Variants in GRID1 observed in about 807,000 individuals in gnomAD.
GRID1 encodes glutamate receptor ionotropic, delta-1.
A neutral mutation model predicts 98.0 loss-of-function variants in GRID1; 28 were observed. The ratio of observed to expected loss-of-function variants is 0.29; its 90% CI spans 0.21 to 0.39. The LOEUF is 0.39. GRID1 is among the 10% of genes least tolerant of loss of function. The pLI is 1.00. For missense variants in GRID1, 1,111 were observed against 1,340.5 expected (o/e 0.83, Z 2.67); for synonymous variants, 553 against 538.5 (o/e 1.03, Z -0.37).
chr10:86,356,868 C>T (rs114723533), intron 2 of GRID1, among the ~76,000 whole-genome samples: 2,090 of 152,214 alleles, frequency 0.014, 43 homozygotes, highest in African/African-American at 0.048. Context: ...AGTTGTTAGG[C>T]GACAGCATTT....
intron 4 of GRID1, among the ~76,000 whole-genome samples, chr10:86,116,049 G>A (rs1844572941): frequency 6.6e-6 from 1 of 152,162 alleles, no homozygotes; most frequent in Non-Finnish European, 1.5e-5. Context: ...TAGGTGTGTT[G>A]TAGGCTGTAC....
At chr10:85,721,708 T>G (rs1841704670) in intron 12 of GRID1, among the ~76,000 whole-genome samples, 1 of 152,194 alleles carries the variant, frequency 6.6e-6, no homozygotes, top group Non-Finnish European at 1.5e-5. Context: ...GGAAGAAATG[T>G]GAAAAATATT....
At chr10:86,175,234 T>C (rs1845557511) in intron 3 of GRID1, among the ~76,000 whole-genome samples, 1 of 152,056 alleles carries the variant, frequency 6.6e-6, no homozygotes, top group Non-Finnish European at 1.5e-5. Context: ...GCAGATAGAC[T>C]GTCTCAACTT....
chr10:86,088,709 A>G (rs892409212), intron 4 of GRID1, among the ~76,000 whole-genome samples: 4 of 152,182 alleles, frequency 2.6e-5, no homozygotes, highest in Admixed American at 6.5e-5. Context: ...AAAAGCCCAA[A>G]CATTGTACAG....
chr10:85,612,539 A>G (rs1842745752), intron 15 of GRID1, among the ~76,000 whole-genome samples: 1 of 152,090 alleles, frequency 6.6e-6, no homozygotes, highest in Non-Finnish European at 1.5e-5. Flanking sequence ...ATCCATCTGC[A>G]CCCACAGAGT....
chr10:86,181,854 C>A (rs1845659594), intron 3 of GRID1, among the ~76,000 whole-genome samples: 1 of 152,088 alleles, frequency 6.6e-6, no homozygotes, highest in South Asian at 2.1e-4. Context: ...GTCTCCTATG[C>A]CAGGCTATAG....
At chr10:86,018,434 C>T (rs906982146) in intron 4 of GRID1, among the ~76,000 whole-genome samples, 5 of 152,210 alleles carry the variant, frequency 3.3e-5, no homozygotes, top group South Asian at 2.1e-4. Context: ...ACAAGACAGA[C>T]GGCAGCCCAT....
chr10:86,319,013 G>A (rs576904988), intron 2 of GRID1, among the ~76,000 whole-genome samples: 9 of 152,302 alleles, frequency 5.9e-5, no homozygotes, highest in South Asian at 2.1e-4. Context: ...GACAGTGAAG[G>A]TAGAAGGGAA....
chr10:85,876,529 A>C (rs1398269918), intron 5 of GRID1, among the ~76,000 whole-genome samples: 1 of 152,222 alleles, frequency 6.6e-6, no homozygotes, highest in East Asian at 1.9e-4. Flanking sequence ...TTGCCATATA[A>C]GGTAATACTA....
chr10:86,240,255 G>A (rs1846606884), intron 2 of GRID1, among the ~76,000 whole-genome samples: 6 of 152,340 alleles, frequency 3.9e-5, no homozygotes, highest in African/African-American at 1.2e-4. Context: ...TGGCTGGGGA[G>A]AGGCAAGCCT....
intron 4 of GRID1, among the ~76,000 whole-genome samples, chr10:86,108,402 G>T (rs960790712): frequency 6.6e-6 from 1 of 152,208 alleles, no homozygotes; most frequent in African/African-American, 2.4e-5. Flanking sequence ...AGCCTCAAAA[G>T]GTTATTAGCT....
rs553259429 is a variant in GRID1 at position 85,869,742 on chromosome 10, A to G, written c.781-562T>C. ...TGTACTAAGCACTGTGGATACAGCC[A>G]GAAAAAAATCAGGCCCTATCCTGTC... On this transcript the variant is annotated intron_variant, in intron 5 of 15. Transcript: ENST00000327946. Among the ~76,000 whole-genome samples the G allele has an allele frequency of 1.7e-4, 26 of 152,352 alleles. 2 individuals are homozygous for G. The highest frequency in any genetic ancestry group is 5.8e-4 in the African/African-American group (24 of 41,576).
chr10:85,853,640 C>T (rs1843080977), intron 8 of GRID1, among the ~76,000 whole-genome samples: 1 of 152,190 alleles, frequency 6.6e-6, no homozygotes, highest in Admixed American at 6.5e-5. Context: ...GTTGGGCTGG[C>T]CCAGGACAGC....
At chr10:86,226,162 G>C (rs1014113908) in intron 2 of GRID1, among the ~76,000 whole-genome samples, 1 of 151,958 alleles carries the variant, frequency 6.6e-6, no homozygotes, top group African/African-American at 2.4e-5. Context: ...TCTCTGGACA[G>C]GGGACCTGCC....
At chr10:86,159,936 C>T (rs1431957891) in intron 3 of GRID1, among the ~76,000 whole-genome samples, 1 of 152,126 alleles carries the variant, frequency 6.6e-6, no homozygotes, top group African/African-American at 2.4e-5. Flanking sequence ...ATCACCACGA[C>T]CATCATTATC....
chr10:86,233,471 A>G lies in GRID1; in HGVS notation c.236-26823T>C, dbSNP rs190119991. On this transcript the variant is annotated intron_variant, in intron 2 of 15. Coordinates refer to ENST00000327946, the MANE Select transcript of GRID1 (RefSeq NM_017551.3). The stretch of plus-strand genomic sequence containing the variant: ...GACACTCCCATCCCCTCTTGCTCTA[A>G]ATGTTAGGCAGCTGGGCCTCATAGG... Among the ~76,000 whole-genome samples, 201 of 152,208 alleles carry G rather than the reference A, an allele frequency of 1.3e-3. 4 individuals carry two copies. In the South Asian group the frequency reaches 0.038, roughly 29 times the overall value.
At chr10:85,870,952 G>T (rs116149364) in intron 5 of GRID1, among the ~76,000 whole-genome samples, 1 of 152,066 alleles carries the variant, frequency 6.6e-6, no homozygotes, top group Non-Finnish European at 1.5e-5. Context: ...CTCTGACTGC[G>T]GTAGGGCGAG....
chr10:85,758,931 C>T (rs917560317), intron 8 of GRID1, among the ~76,000 whole-genome samples: 1 of 152,128 alleles, frequency 6.6e-6, no homozygotes, highest in African/African-American at 2.4e-5. Context: ...CTGCTTAACC[C>T]CTGTGTGGTT....
chr10:85,995,224 G>T (rs563035710), intron 4 of GRID1, among the ~76,000 whole-genome samples: 7 of 152,234 alleles, frequency 4.6e-5, no homozygotes, highest in African/African-American at 1.4e-4. Flanking sequence ...ATCACTAGTC[G>T]TGGAACTTTG....
Sources: gnomAD v4.1 joint callset for allele counts (sites outside exome capture counted in the v4.1 genomes callset) on GRCh38, gnomAD v4.1.1 for gene constraint, MANE v1.5 for transcripts, NCBI Gene and HGNC (gene_info 2026-07-23, HGNC 2026-07-21) for gene names.